The following ALDH4A1 variants were observed in gnomAD, a reference collection of about 807,000 sequenced individuals.
The protein encoded by ALDH4A1 is aldehyde dehydrogenase 4 family member A1.
Under a neutral mutation model 70.5 loss-of-function variants are expected in ALDH4A1, and 46 were observed. The ratio of observed to expected loss-of-function variants is 0.65; its 90% CI spans 0.51 to 0.83. The LOEUF (loss-of-function observed/expected upper bound fraction) is 0.83. Ranked by LOEUF, ALDH4A1 falls within the 40% of genes least tolerant of loss-of-function variation. The pLI is 0.00. For synonymous variants in ALDH4A1, 323 were observed against 324.3 expected, an observed-to-expected ratio of 1.00 and a Z score of 0.04; for missense variants, 749 against 766.5, an observed-to-expected ratio of 0.98 and a Z score of 0.27.
At position 18,898,828 on chromosome 1, in the gene ALDH4A1, T is replaced by C. The variant is rs1438160709; in HGVS notation, c.62+3634A>G. ...ATGCAGGGCACAGGAGGCAGGCTGC[T>C]CCCAGGGGTGCCACTGCCAAGCACT... On this transcript the variant is annotated intron_variant, in intron 1 of 14. Transcript: ENST00000375341. This position sits in a 1 kb window ranked among gnomAD's most constrained non-coding sequence, Gnocchi z 4.3. Among the ~76,000 whole-genome samples, 3 of 152,178 alleles carry C rather than the reference T, an allele frequency of 2.0e-5. No homozygotes were observed. Among genetic ancestry groups the C allele is most frequent in the Non-Finnish European group, 4.4e-5 (3 of 68,018 alleles).
chr1:18,900,823 C>A (rs1445037881), intron 1 of ALDH4A1: 1 of 979,616 alleles, frequency 1.0e-6, no homozygotes, highest in African/African-American at 1.8e-5. Flanking sequence ...AGTCATATAT[C>A]TCTGATGGCA....
At chr1:18,884,493 A>G (rs1042880831) in intron 5 of ALDH4A1, among the ~76,000 whole-genome samples, 2 of 151,934 alleles carry the variant, frequency 1.3e-5, no homozygotes, top group Non-Finnish European at 2.9e-5. Flanking sequence ...TGTCCCCCGC[A>G]CACTCTGCCT....
chr1:18,879,448 C>T lies in ALDH4A1; in HGVS notation c.867-75G>A. The T allele has an allele frequency of 2.2e-6, 3 of 1,355,344 alleles. No homozygotes were observed. In the East Asian group the frequency reaches 7.3e-5, roughly 33 times the overall value. 84.0% of individuals were successfully genotyped at this position (1,355,344 alleles called of 1,614,324 possible). Reference sequence around the variant, plus strand: ...GGGGGCGGAAAAGCCCAGGGAGGAGCATTGCCGGGGGCAGCCCAGCAGGAG... The same window carrying T: ...GGGGGCGGAAAAGCCCAGGGAGGAGTATTGCCGGGGGCAGCCCAGCAGGAG... On this transcript the variant is annotated intron_variant, in intron 8 of 14. Transcript: ENST00000375341.
At chr1:18,890,359 C>T (rs988200043) in intron 1 of ALDH4A1, among the ~76,000 whole-genome samples, 12 of 152,138 alleles carry the variant, frequency 7.9e-5, no homozygotes, top group African/African-American at 1.7e-4. Flanking sequence ...CTGGCCAACA[C>T]GGTGAAATCC....
chr1:18,896,799 A>G (rs1161665597), intron 1 of ALDH4A1, among the ~76,000 whole-genome samples: 6 of 152,112 alleles, frequency 3.9e-5, no homozygotes, highest in African/African-American at 1.4e-4. Flanking sequence ...AGGCTGAGGA[A>G]GAGGAATTGC....
At position 18,874,449 on chromosome 1, in the gene ALDH4A1, G is replaced by C. The variant is rs2100550473; in HGVS notation, c.1579+14C>G. 1 of 1,612,276 alleles carries C rather than the reference G, an allele frequency of 6.2e-7. No individual in the cohort carries two copies. Among genetic ancestry groups the C allele is most frequent in the Non-Finnish European group, 8.5e-7 (1 of 1,178,826 alleles). On this transcript the variant is annotated intron_variant, in intron 14 of 14. Transcript: ENST00000375341. Reference sequence around the variant, plus strand: ...AGGAACTCAGCTCCCCTGTGGGAAGGGGGACCCACTCACCAGAGGCTCGGG... The same window carrying C: ...AGGAACTCAGCTCCCCTGTGGGAAGCGGGACCCACTCACCAGAGGCTCGGG...
intron 9 of ALDH4A1, among the ~76,000 whole-genome samples, chr1:18,879,064 G>A (rs541153468): frequency 2.0e-5 from 3 of 152,334 alleles, no homozygotes; most frequent in African/African-American, 7.2e-5. Context: ...TTCCTCAGTC[G>A]CACAGGCCAC....
At chr1:18,875,694 C>T (rs1373342238) in intron 12 of ALDH4A1, among the ~76,000 whole-genome samples, 191 bp from the exon 13 acceptor site, 3 of 152,182 alleles carry the variant, frequency 2.0e-5, no homozygotes, top group African/African-American at 4.8e-5. Flanking sequence ...GCCCAGCTCC[C>T]TGTCCTGTCC....
At chr1:18,877,854 G>A (rs1934785404) in intron 9 of ALDH4A1, among the ~76,000 whole-genome samples, 1 of 152,210 alleles carries the variant, frequency 6.6e-6, no homozygotes. Flanking sequence ...CATCAGAGGT[G>A]ATCAGGTCCA....
chr1:18,888,395 A>G (rs1230314291), intron 3 of ALDH4A1, among the ~76,000 whole-genome samples: 3 of 152,224 alleles, frequency 2.0e-5, no homozygotes, highest in South Asian at 2.1e-4. Context: ...CACATGCCCC[A>G]GAACCCCAAA....
intron 9 of ALDH4A1, among the ~76,000 whole-genome samples, 176 bp from the exon 10 acceptor site, chr1:18,877,788 G>A (rs1002635871): frequency 1.3e-5 from 2 of 152,234 alleles, no homozygotes; most frequent in Non-Finnish European, 2.9e-5. Flanking sequence ...CCACGGGCCA[G>A]GCCCATTCTC....
At position 18,874,941 on chromosome 1, in the gene ALDH4A1, G is replaced by A. The variant is rs143518678; in HGVS notation, c.1461-360C>T. Among the ~76,000 whole-genome samples the A allele has an allele frequency of 9.2e-3, 1,401 of 152,374 alleles. 21 individuals are homozygous for A. Among genetic ancestry groups the A allele is most frequent in the African/African-American group, 0.031 (1,303 of 41,594 alleles). Reference sequence around the variant, plus strand: ...AGCTCACCTCCACTTTCTCATAGAGGCAGACATGGGGGCAACCAGTGCCAC... The same window carrying A: ...AGCTCACCTCCACTTTCTCATAGAGACAGACATGGGGGCAACCAGTGCCAC... On this transcript the variant is annotated intron_variant, in intron 13 of 14. Coordinates refer to ENST00000375341, the MANE Select transcript of ALDH4A1 (RefSeq NM_003748.4).
At chr1:18,885,440 C>CCCG in intron 5 of ALDH4A1, 33 bp downstream of exon 5, 1 of 665,764 alleles carries the variant, frequency 1.5e-6, no homozygotes, top group Non-Finnish European at 2.7e-6. Context: ...CACCCCACCC[C>CCCG]GCCCCACCCA....
intron 1 of ALDH4A1, chr1:18,900,874 C>A: frequency 1.0e-6 from 1 of 985,304 alleles, no homozygotes; most frequent in Non-Finnish European, 1.2e-6. Context: ...ACAGTACTTA[C>A]CGGCTCGGTG....
chr1:18,883,382 A>G lies in ALDH4A1; in HGVS notation c.500T>C (p.Ile167Thr), dbSNP rs1347770374. Residue 167 changes from isoleucine (I) to threonine (T), a missense_variant, in exon 6 of 15, where the codon ATC (isoleucine) becomes ACC (threonine). Transcript: ENST00000375341. ...QAEIDAAAEL[I>T]DFFRFNAKYA... ...CTTGGCATTGAACCGGAAGAAGTCG[A>G]TGAGTTCCGCTGCAGCGTCAATCTC... is the stretch of plus-strand genomic sequence containing the variant. 3.7e-6 allele frequency: 6 copies of G among 1,613,498 alleles called. No homozygotes were observed. The highest frequency in any genetic ancestry group is 4.2e-6 in the Non-Finnish European group (5 of 1,180,042).
chr1:18,883,063 C>T, intron 7 of ALDH4A1, 61 bp downstream of exon 7: 2 of 1,609,664 alleles, frequency 1.2e-6, no homozygotes, highest in South Asian at 2.2e-5. Context: ...TGGCCTCTGT[C>T]TGTCTGTTGG....
intron 1 of ALDH4A1, among the ~76,000 whole-genome samples, chr1:18,893,116 C>T (rs1935500056): frequency 3.9e-5 from 6 of 152,220 alleles, no homozygotes; most frequent in Admixed American, 2.6e-4. Flanking sequence ...ATAACTGAGT[C>T]TGTCCCAGCC....
chr1:18,885,427 T>TGCCACCCCCCCCCCCCCCCCCCC, intron 5 of ALDH4A1, 46 bp downstream of exon 5: 8 of 650,918 alleles, frequency 1.2e-5, no homozygotes, highest in African/African-American at 1.9e-5. Flanking sequence ...CACACCTGAC[T>TGCCACCCCCCCCCCCCCCCCCCC]CCCACCCCAC....
intron 5 of ALDH4A1, 152 bp from the exon 6 acceptor site, chr1:18,883,580 G>A (rs541232312): frequency 1.8e-6 from 2 of 1,124,054 alleles, no homozygotes; most frequent in African/African-American, 3.1e-5. Context: ...CATCCCAGGG[G>A]CTGAGGGGGA....
Sources: gnomAD v4.1 joint callset for allele counts (sites outside exome capture counted in the v4.1 genomes callset) on GRCh38, gnomAD v4.1.1 for gene constraint, Gnocchi (gnomAD v3.1) non-coding constraint, MANE v1.5 for transcripts, NCBI Gene and HGNC (gene_info 2026-07-23, HGNC 2026-07-21) for gene names.